KHDRBS2: variants seen among roughly 807,000 people sequenced by gnomAD.
KHDRBS2 encodes the protein KH RNA binding domain containing, signal transduction associated 2, also known as KH domain-containing, RNA-binding, signal transduction-associated protein 2.
A neutral mutation model predicts 44.3 loss-of-function variants in KHDRBS2; 26 were observed. The ratio of observed to expected loss-of-function variants is 0.59; its 90% CI spans 0.43 to 0.81. The LOEUF (loss-of-function observed/expected upper bound fraction) is 0.81. Ranked by LOEUF, KHDRBS2 falls within the 40% of genes least tolerant of loss-of-function variation. The pLI is 0.00. For synonymous variants in KHDRBS2, 194 were observed against 151.1 expected, an observed-to-expected ratio of 1.28 and a Z score of -2.08; for missense variants, 476 against 433.1, an observed-to-expected ratio of 1.10 and a Z score of -0.88.
chr6:61,828,038 A>T (rs1791188360), intron 6 of KHDRBS2, among the ~76,000 whole-genome samples: 1 of 152,182 alleles, frequency 6.6e-6, no homozygotes, highest in Non-Finnish European at 1.5e-5. Flanking sequence ...TCACCTACAG[A>T]CATCACTGAT....
chr6:61,752,560 T>C (rs1777853799), intron 6 of KHDRBS2, among the ~76,000 whole-genome samples: 1 of 152,012 alleles, frequency 6.6e-6, no homozygotes, highest in African/African-American at 2.4e-5. Context: ...TCTTCTAGTA[T>C]TTTAATTTTC....
At chr6:61,794,570 A>AT (rs1377004054) in intron 6 of KHDRBS2, among the ~76,000 whole-genome samples, 8 of 152,188 alleles carry the variant, frequency 5.3e-5, no homozygotes, top group South Asian at 2.1e-4. Context: ...CTTAGTTAAT[A>AT]TTTTTTTCTC....
intron 6 of KHDRBS2, among the ~76,000 whole-genome samples, chr6:61,775,970 C>T (rs1046650629): frequency 5.3e-5 from 8 of 152,140 alleles, no homozygotes; most frequent in African/African-American, 1.9e-4. Flanking sequence ...AGAACAGAAC[C>T]CTCAGAAATA....
chr6:62,046,965 T>G (rs17353836), intron 3 of KHDRBS2, among the ~76,000 whole-genome samples: 11,870 of 151,968 alleles, frequency 0.078, 500 homozygotes, highest in African/African-American at 0.097. Flanking sequence ...TAAAGATACT[T>G]TATGTATGAT....
intron 2 of KHDRBS2, among the ~76,000 whole-genome samples, chr6:62,151,319 C>T (rs958570826): frequency 2.0e-5 from 3 of 152,176 alleles, no homozygotes; most frequent in African/African-American, 7.2e-5. Context: ...GTTGGATTCA[C>T]ATAGGGTCAC....
At chr6:61,723,991 C>A (rs528094213) in intron 7 of KHDRBS2, among the ~76,000 whole-genome samples, 92 of 152,086 alleles carry the variant, frequency 6.0e-4, no homozygotes, top group Non-Finnish European at 2.1e-4. Context: ...ATGAGAAGAT[C>A]AACCCCAAGG....
intron 1 of KHDRBS2, among the ~76,000 whole-genome samples, chr6:62,268,375 A>G (rs1279491778): frequency 6.6e-6 from 1 of 152,062 alleles, no homozygotes; most frequent in East Asian, 1.9e-4. Context: ...TTGAGGGATA[A>G]GCATAAAGCC....
intron 6 of KHDRBS2, among the ~76,000 whole-genome samples, chr6:61,874,894 A>C (rs1313073495): frequency 6.6e-6 from 1 of 152,162 alleles, no homozygotes; most frequent in African/African-American, 2.4e-5. Flanking sequence ...CCAGCTATCT[A>C]GCTGATAAAA....
intron 4 of KHDRBS2, among the ~76,000 whole-genome samples, chr6:61,932,488 T>G (rs1810248043): frequency 6.6e-6 from 1 of 152,120 alleles, no homozygotes; most frequent in Admixed American, 6.5e-5. Flanking sequence ...GATCAACATT[T>G]TTAGATTCCA....
At chr6:61,854,644 C>A (rs1795907441) in intron 6 of KHDRBS2, among the ~76,000 whole-genome samples, 1 of 152,126 alleles carries the variant, frequency 6.6e-6, no homozygotes, top group African/African-American at 2.4e-5. Context: ...TGATCTTTAT[C>A]ATTTTAAGAA....
the KHDRBS2 span, among the ~76,000 whole-genome samples, chr6:61,623,104 T>C: frequency 6.6e-6 from 1 of 152,004 alleles, no homozygotes; most frequent in Non-Finnish European, 1.5e-5. Context: ...GGGGGCTGTT[T>C]TACATTTACA....
At position 62,251,842 on chromosome 6, in the gene KHDRBS2, CTAT is replaced by C. The variant is rs529382474; in HGVS notation, c.91+34013_91+34015del. ...GCCTCACATTTTTACTTAAAATTTG[CTAT>C]TATTAAAAAATAGTAAATGTAGTAT... On this transcript the variant is annotated intron_variant, in intron 1 of 8. Transcript: ENST00000281156. Among the ~76,000 whole-genome samples, 385 of 144,514 alleles carry C rather than the reference CTAT, an allele frequency of 2.7e-3. 3 individuals are homozygous for C. Among genetic ancestry groups the C allele is most frequent in the African/African-American group, 9.5e-3 (352 of 36,916 alleles). 94.8% of individuals were successfully genotyped at this position (144,514 alleles called of 152,430 possible). A position where few individuals can be genotyped will look rare whatever the true frequency, so the allele number is the denominator to read the frequency against.
In KHDRBS2 at chr6:61,921,095, A is replaced by G. The variant is rs574146356; in HGVS notation, c.484-19724T>C. Among the ~76,000 whole-genome samples, 4 of 152,114 alleles carry G rather than the reference A, an allele frequency of 2.6e-5. No homozygotes were observed. In the East Asian group the frequency reaches 7.7e-4, roughly 29 times the overall value. ...AACTTTTAAATTCAATTCACTTAGGAGAGATGTATAAACAAAGATAATGTA... is the reference window on the plus strand; with the variant it reads ...AACTTTTAAATTCAATTCACTTAGGGGAGATGTATAAACAAAGATAATGTA... On this transcript the variant is annotated intron_variant, in intron 4 of 8. Coordinates refer to ENST00000281156, the MANE Select transcript of KHDRBS2 (RefSeq NM_152688.4).
intron 2 of KHDRBS2, among the ~76,000 whole-genome samples, chr6:62,119,009 G>T (rs1377644324): frequency 6.6e-6 from 1 of 152,094 alleles, no homozygotes; most frequent in African/African-American, 2.4e-5. Flanking sequence ...CTATCCTACT[G>T]GTTTTGTACC....
chr6:61,930,252 A>G (rs899822577), intron 4 of KHDRBS2, among the ~76,000 whole-genome samples: 4 of 151,984 alleles, frequency 2.6e-5, no homozygotes, highest in African/African-American at 9.7e-5. Flanking sequence ...TGAGAAATAA[A>G]TTTTTCTTCT....
Position 61,750,542 on chromosome 6 carries a change from G to T in KHDRBS2, c.811-17778C>A, listed in dbSNP as rs1032031937. ...CTTATGTACCAGCACCGTCAGTTTC[G>T]CCTGTTCAATCTGCTAACCCACCAA... On this transcript the variant is annotated intron_variant, in intron 6 of 8. Transcript: ENST00000281156. 2.0e-5 allele frequency among the ~76,000 whole-genome samples: 3 copies of T among 152,002 alleles called. No homozygotes were observed. The South Asian group carries it at 6.2e-4, about 31-fold the overall frequency.
At chr6:61,865,285 C>T (rs1162216767) in intron 6 of KHDRBS2, among the ~76,000 whole-genome samples, 3 of 152,088 alleles carry the variant, frequency 2.0e-5, no homozygotes, top group African/African-American at 7.2e-5. Context: ...TCTTTTCATG[C>T]TTCTGAAAAA....
rs991340896 is a variant in KHDRBS2, at chr6:61,786,980, C to G, written c.811-54216G>C. On this transcript the variant is annotated intron_variant, in intron 6 of 8. Transcript: ENST00000281156. ...CCCATAATTTCCTTCACATAAATATCTTTGTATATTTTATACAATTGTCAG... is the reference window on the plus strand; with the variant it reads ...CCCATAATTTCCTTCACATAAATATGTTTGTATATTTTATACAATTGTCAG... Among the ~76,000 whole-genome samples, 6 of 150,066 alleles carry G rather than the reference C, an allele frequency of 4.0e-5. No homozygotes were observed. The East Asian group carries it at 7.8e-4, about 20-fold the overall frequency.
the KHDRBS2 span, among the ~76,000 whole-genome samples, chr6:61,659,563 TA>T: frequency 6.6e-6 from 1 of 151,962 alleles, no homozygotes; most frequent in East Asian, 1.9e-4. Flanking sequence ...AAATCACAGT[TA>T]TTTTTATTAA....
Sources: allele counts gnomAD v4.1 joint callset (sites outside exome capture counted in the v4.1 genomes callset), GRCh38; gene constraint gnomAD v4.1.1; transcripts MANE v1.5; gene names NCBI Gene and HGNC (gene_info 2026-07-23, HGNC 2026-07-21).